ZEB1: variants seen among roughly 807,000 people sequenced by gnomAD.
ZEB1 encodes zinc finger E-box binding homeobox 1.
A neutral mutation model predicts 84.9 loss-of-function variants in ZEB1; 21 were observed. That is an observed-to-expected ratio of 0.25 (90% CI 0.18 to 0.36). ZEB1 has a LOEUF of 0.36. ZEB1 is among the 10% of genes least tolerant of loss of function. The pLI is 1.00. For missense variants in ZEB1, 1,104 were observed against 1,330.2 expected (o/e 0.83, Z 2.65); for synonymous variants, 420 against 471.1 (o/e 0.89, Z 1.41).
At chr10:31,407,036 C>G (rs917412271) in intron 1 of ZEB1, among the ~76,000 whole-genome samples, 6 of 151,952 alleles carry the variant, frequency 3.9e-5, no homozygotes, top group African/African-American at 1.4e-4. Context: ...GGCCTCTGTT[C>G]TGTTCCATTA....
chr10:31,525,034 G>A (rs2073159372), intron 8 of ZEB1, among the ~76,000 whole-genome samples: 1 of 152,158 alleles, frequency 6.6e-6, no homozygotes, highest in Non-Finnish European at 1.5e-5. Flanking sequence ...AAGAATGGTA[G>A]TTTTTGATTT....
Position 31,521,737 on chromosome 10 carries a change from A to G in ZEB1, c.2405A>G (p.Asn802Ser). ...ATCCCACCAAGTGCCAACCCCATAA[A>G]TATCGCTATACCTACAGTCACTGCC... ...NVIPPSANPI[N>S]IAIPTVTAQL... Residue 802 changes from asparagine (N) to serine (S), a missense_variant, in exon 7 of 9, where the codon AAT becomes AGT. By Grantham distance (46) the Asn-to-Ser change is conservative. This residue lies in a region of ZEB1 where 531 missense variants were observed against 575.2 expected (regional missense o/e 0.92). Transcript: ENST00000424869. 1.2e-6 allele frequency: 2 copies of G among 1,614,120 alleles called. No individual in the cohort carries two copies. The highest frequency in any genetic ancestry group is 1.7e-6 in the Non-Finnish European group (2 of 1,180,010).
chr10:31,438,697 C>T (rs1049011766), intron 1 of ZEB1, among the ~76,000 whole-genome samples: 1 of 152,108 alleles, frequency 6.6e-6, no homozygotes, highest in Non-Finnish European at 1.5e-5. Flanking sequence ...CTTTAAATTA[C>T]CTGGGTGTGG....
intron 1 of ZEB1, among the ~76,000 whole-genome samples, chr10:31,337,683 GTTTTTTT>G (rs756379165): frequency 1.0e-4 from 10 of 98,798 alleles, no homozygotes; most frequent in South Asian, 3.6e-4. Flanking sequence ...ATTTCTTTCT[GTTTTTTT>G]TTTTTTTTTT....
At position 31,329,188 on chromosome 10, in the gene ZEB1, A is replaced by G. The variant is rs532554966; in HGVS notation, c.58+9896A>G. 3.9e-5 allele frequency among the ~76,000 whole-genome samples: 6 copies of G among 152,242 alleles called. No individual in the cohort carries two copies. The South Asian group carries it at 6.2e-4, about 16-fold the overall frequency. The stretch of plus-strand genomic sequence containing the variant: ...GTTCTTGTGTACTTAATCTCAGCCA[A>G]TCTTCCCCACCTATTGCCCCCTAGC... On this transcript the variant is annotated intron_variant, in intron 1 of 8. Coordinates refer to ENST00000424869, the MANE Select transcript of ZEB1 (RefSeq NM_001174096.2).
intron 2 of ZEB1, among the ~76,000 whole-genome samples, chr10:31,465,763 G>A (rs2062344368): frequency 6.6e-6 from 1 of 151,248 alleles, no homozygotes; most frequent in Admixed American, 6.6e-5. Flanking sequence ...ACAGGCATAT[G>A]CCACCACATG....
intron 1 of ZEB1, among the ~76,000 whole-genome samples, chr10:31,338,642 A>G (rs943483900): frequency 6.6e-6 from 1 of 152,222 alleles, no homozygotes; most frequent in Non-Finnish European, 1.5e-5. Flanking sequence ...GTAAAAAGCA[A>G]TACTGGTAAA....
At chr10:31,331,696 T>A (rs1174155027) in intron 1 of ZEB1, among the ~76,000 whole-genome samples, 1 of 152,182 alleles carries the variant, frequency 6.6e-6, no homozygotes, top group Non-Finnish European at 1.5e-5. Context: ...TGGGTTATCC[T>A]AGTAAAATAT....
At position 31,395,514 on chromosome 10, in the gene ZEB1, C is replaced by T. The variant is rs115823136; in HGVS notation, c.59-65523C>T. Reference sequence around the variant, plus strand: ...AATGAGTTTGTTTATAGGAAATAACCTACTTATTTAGTAAGACTTTAATGG... The same window carrying T: ...AATGAGTTTGTTTATAGGAAATAACTTACTTATTTAGTAAGACTTTAATGG... On this transcript the variant is annotated intron_variant, in intron 1 of 8. Coordinates refer to ENST00000424869, the MANE Select transcript of ZEB1 (RefSeq NM_001174096.2). Among the ~76,000 whole-genome samples the T allele has an allele frequency of 5.6e-3, 849 of 152,070 alleles. 13 individuals are homozygous for T. Among genetic ancestry groups the T allele is most frequent in the African/African-American group, 0.02 (814 of 41,454 alleles).
rs143502411 is a variant in ZEB1 at position 31,432,415 on chromosome 10, C to A, written c.59-28622C>A. Among the ~76,000 whole-genome samples the A allele has an allele frequency of 6.6e-3, 1,008 of 152,118 alleles. 10 individuals are homozygous for A. The highest frequency in any genetic ancestry group is 0.023 in the African/African-American group (963 of 41,488). On this transcript the variant is annotated intron_variant, in intron 1 of 8. Coordinates refer to ENST00000424869, the MANE Select transcript of ZEB1 (RefSeq NM_001174096.2). ...ACTAGCCTTGGCAATATGGCAAAAC[C>A]CTGTCTCTACAGAAAATTTAAAAAT...
At chr10:31,406,833 G>A (rs1330725402) in intron 1 of ZEB1, among the ~76,000 whole-genome samples, 1 of 152,022 alleles carries the variant, frequency 6.6e-6, no homozygotes, top group African/African-American at 2.4e-5. Context: ...TAGGTCTTAT[G>A]TTTAAGTGTT....
intron 1 of ZEB1, among the ~76,000 whole-genome samples, chr10:31,444,256 G>T (rs1169995875): frequency 9.4e-6 from 1 of 106,594 alleles, no homozygotes; most frequent in Admixed American, 1.0e-4. Flanking sequence ...TTTTTGATGG[G>T]GTTGTTTGTT....
chr10:31,321,304 T>TA, intron 1 of ZEB1: 1 of 1,404,792 alleles, frequency 7.1e-7, no homozygotes, highest in Non-Finnish European at 9.3e-7. Flanking sequence ...GAGCCATCAT[T>TA]AAAATCACTG....
intron 5 of ZEB1, among the ~76,000 whole-genome samples, chr10:31,513,704 A>G (rs543095759): frequency 6.6e-6 from 1 of 152,302 alleles, no homozygotes; most frequent in African/African-American, 2.4e-5. Flanking sequence ...TTATGGGAAA[A>G]CACAGTGAAG....
At chr10:31,458,317 G>C (rs1001609372) in intron 1 of ZEB1, among the ~76,000 whole-genome samples, 1 of 121,458 alleles carries the variant, frequency 8.2e-6, no homozygotes, top group African/African-American at 6.6e-5. Flanking sequence ...CATTCCGTGT[G>C]TGTGTGTGTG....
intron 1 of ZEB1, among the ~76,000 whole-genome samples, chr10:31,450,494 T>A (rs990136658): frequency 2.0e-5 from 3 of 152,138 alleles, no homozygotes; most frequent in South Asian, 2.1e-4. Context: ...TTTTCCTGAA[T>A]TTTCTATAAA....
At chr10:31,475,740 A>T (rs547504199) in intron 2 of ZEB1, among the ~76,000 whole-genome samples, 39 of 152,300 alleles carry the variant, frequency 2.6e-4, no homozygotes, top group African/African-American at 9.4e-4. Context: ...GCACACATAG[A>T]GAGAATTCAT....
At chr10:31,349,654 A>G (rs1215523403) in intron 1 of ZEB1, among the ~76,000 whole-genome samples, 1 of 152,034 alleles carries the variant, frequency 6.6e-6, no homozygotes, top group Non-Finnish European at 1.5e-5. Context: ...TTTAATTTGC[A>G]TTTCCCTGAT....
intron 1 of ZEB1, among the ~76,000 whole-genome samples, chr10:31,409,493 G>A (rs2053813381): frequency 6.6e-6 from 1 of 151,918 alleles, no homozygotes; most frequent in Admixed American, 6.5e-5. Context: ...TGGCTATACG[G>A]GCTCTTTTTT....
Sources: gnomAD v4.1 joint callset for allele counts (sites outside exome capture counted in the v4.1 genomes callset) on GRCh38, gnomAD v4.1.1 for gene constraint, gnomAD v4.1.1 regional missense constraint, MANE v1.5 for transcripts, NCBI Gene and HGNC (gene_info 2026-07-23, HGNC 2026-07-21) for gene names.